LMOD1: variants seen among roughly 807,000 people sequenced by gnomAD.
LMOD1 encodes leiomodin-1.
In LMOD1, 8 loss-of-function variants were observed where a neutral mutation model predicts 36.5. The ratio of observed to expected loss-of-function variants is 0.22; its 90% CI spans 0.13 to 0.40. The LOEUF (loss-of-function observed/expected upper bound fraction) is 0.40, where lower values mean the gene tolerates loss of function less well. LMOD1 is among the 10% of genes least tolerant of loss of function. The pLI, the probability that LMOD1 is intolerant of heterozygous loss-of-function variation, is 1.00. For synonymous variants in LMOD1, 284 were observed against 288.7 expected, an observed-to-expected ratio of 0.98 and a Z score of 0.17; for missense variants, 630 against 751.1, an observed-to-expected ratio of 0.84 and a Z score of 1.88.
intron 1 of LMOD1, among the ~76,000 whole-genome samples, chr1:201,905,261 C>T (rs1206682251): frequency 1.3e-5 from 2 of 152,152 alleles, no homozygotes; most frequent in Admixed American, 1.3e-4. Flanking sequence ...CATTGAGGTA[C>T]CTAGTGATTG....
intron 1 of LMOD1, among the ~76,000 whole-genome samples, chr1:201,915,497 A>G (rs1681590746): frequency 6.6e-6 from 1 of 152,054 alleles, no homozygotes; most frequent in African/African-American, 2.4e-5. Context: ...CGACCCCTGC[A>G]CTATTCCCTA....
chr1:201,926,746 G>A (rs1024890864), intron 1 of LMOD1, among the ~76,000 whole-genome samples: 7 of 152,332 alleles, frequency 4.6e-5, no homozygotes, highest in South Asian at 2.1e-4. Context: ...GCAGGGAGCC[G>A]TAGCTCACAA....
At position 201,896,472 on chromosome 1, in the gene LMOD1, T is replaced by C. The variant is rs1681197387; in HGVS notation, c.*1900A>G. The C allele has an allele frequency of 8.8e-6, 4 of 455,552 alleles. No homozygotes were observed. The East Asian group carries it at 2.8e-4, about 32-fold the overall frequency. 28.2% of individuals were successfully genotyped at this position (455,552 alleles called of 1,614,324 possible). A position where few individuals can be genotyped will look rare whatever the true frequency, so the allele number is the denominator to read the frequency against. On this transcript the variant is annotated 3_prime_UTR_variant, in exon 3 of 3. Transcript: ENST00000367288. ...AAACAGACCTGAGCTCTGACTTTTA[T>C]TAGCTGTGTGATCATGGATATATTA... is the stretch of plus-strand genomic sequence containing the variant.
chr1:201,914,783 C>T (rs552941192), intron 1 of LMOD1, among the ~76,000 whole-genome samples: 10 of 151,886 alleles, frequency 6.6e-5, no homozygotes, highest in African/African-American at 2.4e-4. Flanking sequence ...ACCCCTCCTC[C>T]CCACATTGCA....
At position 201,898,168 on chromosome 1, in the gene LMOD1, G is replaced by A; in HGVS notation, c.*204C>T. On this transcript the variant is annotated 3_prime_UTR_variant, in exon 3 of 3. Transcript: ENST00000367288. ...AGCTCCATGTACTAAAGCAAAATTT[G>A]GAGAGCCTCAGAGACAAGAAAAGGA... 1.6e-6 allele frequency: 1 copy of A among 606,886 alleles called. No homozygotes were observed. Among genetic ancestry groups the A allele is most frequent in the Non-Finnish European group, 3.0e-6 (1 of 337,948 alleles). The allele number at this position is 606,886 out of a possible 1,614,324, so 37.6% of individuals were successfully genotyped here.
At position 201,932,318 on chromosome 1, in the gene LMOD1, C is replaced by T. The variant is rs539493861; in HGVS notation, c.261+13762G>A. 3.0e-4 allele frequency among the ~76,000 whole-genome samples: 46 copies of T among 152,188 alleles called. 1 individual carries two copies. In the South Asian group the frequency reaches 9.1e-3, roughly 30 times the overall value. On this transcript the variant is annotated intron_variant, in intron 1 of 2. Coordinates refer to ENST00000367288, the MANE Select transcript of LMOD1 (RefSeq NM_012134.3). ...TGCCTCTAAGTCATCATCTTTGGAA[C>T]AGATGAATCCTGAGGTAGAGGAATC... is the stretch of plus-strand genomic sequence containing the variant.
At chr1:201,931,557 G>A (rs1159820789) in intron 1 of LMOD1, among the ~76,000 whole-genome samples, 1 of 150,854 alleles carries the variant, frequency 6.6e-6, no homozygotes, top group South Asian at 2.1e-4. Context: ...AAAAAAAAGG[G>A]AGAGAAAGCT....
intron 1 of LMOD1, among the ~76,000 whole-genome samples, chr1:201,919,871 A>G (rs1022773329): frequency 3.3e-5 from 5 of 152,116 alleles, no homozygotes; most frequent in South Asian, 2.1e-4. Flanking sequence ...GGAGCCACCA[A>G]TCAGCATCCA....
intron 1 of LMOD1, among the ~76,000 whole-genome samples, chr1:201,944,590 G>T (rs1682170671): frequency 6.6e-6 from 1 of 152,126 alleles, no homozygotes; most frequent in Admixed American, 6.6e-5. Flanking sequence ...TAAATGTTTT[G>T]GTTTTATTTA....
rs555973350 is a variant in LMOD1, at chr1:201,926,785, G to T, written c.261+19295C>A. Among the ~76,000 whole-genome samples, 4 of 152,286 alleles carry T rather than the reference G, an allele frequency of 2.6e-5. No homozygotes were observed. The East Asian group carries it at 7.7e-4, about 29-fold the overall frequency. On this transcript the variant is annotated intron_variant, in intron 1 of 2. Transcript: ENST00000367288. ...TAATCCCAGCACTTTGGGAGGCTGAGGAGGGAGGATTGCTTGAGTCCAGGA... is the reference window on the plus strand; with the variant it reads ...TAATCCCAGCACTTTGGGAGGCTGATGAGGGAGGATTGCTTGAGTCCAGGA...
At chr1:201,907,553 G>A (rs557546774) in intron 1 of LMOD1, among the ~76,000 whole-genome samples, 1 of 152,312 alleles carries the variant, frequency 6.6e-6, no homozygotes, top group East Asian at 1.9e-4. Flanking sequence ...CATGGAAAAT[G>A]AAATGACCAT....
At chr1:201,908,275 C>G (rs1047703129) in intron 1 of LMOD1, among the ~76,000 whole-genome samples, 2 of 152,210 alleles carry the variant, frequency 1.3e-5, no homozygotes, top group African/African-American at 2.4e-5. Flanking sequence ...CATTGGCTGT[C>G]TCCACTGGCC....
At chr1:201,904,834 G>A (rs1390244123) in intron 1 of LMOD1, among the ~76,000 whole-genome samples, 1 of 152,222 alleles carries the variant, frequency 6.6e-6, no homozygotes, top group Non-Finnish European at 1.5e-5. Context: ...GGAGCCCAGA[G>A]TCCTCCCAGG....
At chr1:201,940,991 C>T (rs1238468158) in intron 1 of LMOD1, among the ~76,000 whole-genome samples, 1 of 152,086 alleles carries the variant, frequency 6.6e-6, no homozygotes, top group Non-Finnish European at 1.5e-5. Context: ...AGGTGATCCA[C>T]CCGCCTTGGC....
Position 201,896,485 on chromosome 1 carries a change from C to A in LMOD1, c.*1887G>T. 4 of 456,560 alleles carry A rather than the reference C, an allele frequency of 8.8e-6. No homozygotes were observed. Among genetic ancestry groups the A allele is most frequent in the Non-Finnish European group, 1.8e-5 (4 of 226,890 alleles). 28.3% of individuals were successfully genotyped at this position (456,560 alleles called of 1,614,324 possible). A position where few individuals can be genotyped will look rare whatever the true frequency, so the allele number is the denominator to read the frequency against. ...CTCTGACTTTTATTAGCTGTGTGAT[C>A]ATGGATATATTAGTTAACCTCTCTG... On this transcript the variant is annotated 3_prime_UTR_variant, in exon 3 of 3. Transcript: ENST00000367288.
At chr1:201,918,126 G>A (rs1282293433) in intron 1 of LMOD1, among the ~76,000 whole-genome samples, 2 of 152,226 alleles carry the variant, frequency 1.3e-5, no homozygotes, top group African/African-American at 2.4e-5. Context: ...GGATGGTGCA[G>A]CTCTCTGTCT....
At chr1:201,909,346 A>G (rs1046163569) in intron 1 of LMOD1, among the ~76,000 whole-genome samples, 2 of 152,156 alleles carry the variant, frequency 1.3e-5, no homozygotes, top group Non-Finnish European at 2.9e-5. Context: ...CAGTGAAGAA[A>G]CCAGAGAAAT....
chr1:201,930,355 T>C (rs1000859507), intron 1 of LMOD1, among the ~76,000 whole-genome samples: 3 of 151,874 alleles, frequency 2.0e-5, no homozygotes, highest in Non-Finnish European at 4.4e-5. Context: ...ATGGGAGTAA[T>C]AGAAGTTGAA....
chr1:201,924,216 C>G (rs1215232947), intron 1 of LMOD1, among the ~76,000 whole-genome samples: 2 of 150,036 alleles, frequency 1.3e-5, no homozygotes, highest in African/African-American at 4.9e-5. Context: ...CCCAGCTACT[C>G]AGCAGGCTGA....
Sources: allele counts gnomAD v4.1 joint callset (sites outside exome capture counted in the v4.1 genomes callset), GRCh38; gene constraint gnomAD v4.1.1; transcripts MANE v1.5; gene names NCBI Gene and HGNC (gene_info 2026-07-23, HGNC 2026-07-21).